The following ZFHX3 variants were observed in gnomAD, a reference collection of about 807,000 sequenced individuals.
ZFHX3 encodes the protein zinc finger homeobox protein 3.
A neutral mutation model predicts 279.1 loss-of-function variants in ZFHX3; 42 were observed. The observed-to-expected ratio is 0.15, with a 90% confidence interval of 0.12 to 0.19. The LOEUF (loss-of-function observed/expected upper bound fraction) is 0.19. Ranked by LOEUF, ZFHX3 falls within the 10% of genes least tolerant of loss-of-function variation. ZFHX3 has a pLI of 1.00. For missense variants in ZFHX3, 4,981 were observed against 4,754.0 expected, an observed-to-expected ratio of 1.05 and a Z score of -1.40; for synonymous variants, 2,293 against 1,957.8, an observed-to-expected ratio of 1.17 and a Z score of -4.52.
At chr16:73,033,321 C>T (rs1053811470) in intron 1 of ZFHX3, among the ~76,000 whole-genome samples, 2 of 152,108 alleles carry the variant, frequency 1.3e-5, no homozygotes, top group African/African-American at 4.8e-5. Context: ...GAGAAACTTC[C>T]CCTCCCTTCC....
At chr16:73,216,627 A>G (rs1029807902) in intron 5 of ZFHX3, among the ~76,000 whole-genome samples, 2 of 152,178 alleles carry the variant, frequency 1.3e-5, no homozygotes, top group African/African-American at 4.8e-5. Flanking sequence ...ATTTGACTAC[A>G]AAAGACACAA....
At chr16:72,988,625 A>C (rs1962945238) in intron 1 of ZFHX3, among the ~76,000 whole-genome samples, 1 of 152,214 alleles carries the variant, frequency 6.6e-6, no homozygotes, top group Non-Finnish European at 1.5e-5. Flanking sequence ...GGGTCCCTGC[A>C]ACAGGTCAGG....
chr16:73,295,509 T>A (rs180900220), intron 4 of ZFHX3, among the ~76,000 whole-genome samples: 54 of 152,366 alleles, frequency 3.5e-4, no homozygotes, highest in African/African-American at 1.3e-3. Flanking sequence ...CCAACTACAT[T>A]TCAGCACACT....
At chr16:72,898,300 G>C (rs2144116977) in intron 3 of ZFHX3, among the ~76,000 whole-genome samples, 1 of 152,266 alleles carries the variant, frequency 6.6e-6, no homozygotes, top group Non-Finnish European at 1.5e-5. Flanking sequence ...TGTTCCCTTA[G>C]ATCAATCCAT....
In ZFHX3 at chr16:72,800,120, G is replaced by T. The variant is rs182741552; in HGVS notation, c.3874C>A (p.Pro1292Thr). 7.4e-6 allele frequency: 12 copies of T among 1,613,972 alleles called. No individual in the cohort carries two copies. The highest frequency in any genetic ancestry group is 1.0e-5 in the Non-Finnish European group (12 of 1,180,006). ...VEKLIMTVTT[P>T]EMVMPSSMFL... Reference sequence around the variant, plus strand: ...ATGCTGCTTGGCATCACCATCTCAGGGGTGGTCACCTGAGGAGCAAGAGCA... The same window carrying T: ...ATGCTGCTTGGCATCACCATCTCAGTGGTGGTCACCTGAGGAGCAAGAGCA... The change falls in exon 8 of 10, where the codon CCT (proline) becomes ACT (threonine). Residue 1292 changes from proline to threonine, a missense_variant. Around this residue, in one of 7 missense-constraint regions of ZFHX3, gnomAD observed 1,751 missense variants for 1,770.0 expected, o/e 0.99. Transcript: ENST00000268489.
intron 3 of ZFHX3, among the ~76,000 whole-genome samples, chr16:73,399,739 C>G (rs1382302999): frequency 1.3e-5 from 2 of 151,944 alleles, no homozygotes; most frequent in Non-Finnish European, 2.9e-5. Context: ...CAGCATCACC[C>G]TAATTATGAT....
intron 1 of ZFHX3, among the ~76,000 whole-genome samples, chr16:73,742,156 A>G (rs569897139): frequency 1.3e-5 from 2 of 152,368 alleles, no homozygotes; most frequent in African/African-American, 2.4e-5. Flanking sequence ...AAAGCTATTT[A>G]TACTTTTCTA....
At chr16:73,171,553 C>T (rs924046755) in intron 5 of ZFHX3, among the ~76,000 whole-genome samples, 4 of 152,062 alleles carry the variant, frequency 2.6e-5, no homozygotes, top group Admixed American at 1.3e-4. Context: ...AATTTCACAG[C>T]CGCAAAGGGG....
chr16:73,763,925 T>G (rs1597101047), intron 1 of ZFHX3, among the ~76,000 whole-genome samples: 2 of 125,412 alleles, frequency 1.6e-5, no homozygotes, highest in African/African-American at 6.1e-5. Flanking sequence ...GGGCAGGGGG[T>G]GGGAGGACCA....
chr16:73,559,726 C>A (rs2020341997), intron 2 of ZFHX3, among the ~76,000 whole-genome samples: 1 of 152,092 alleles, frequency 6.6e-6, no homozygotes, highest in Non-Finnish European at 1.5e-5. Flanking sequence ...ATAAAGAGGT[C>A]TTTGGCGGAC....
chr16:73,643,251 G>A (rs2052589602), intron 2 of ZFHX3, among the ~76,000 whole-genome samples: 1 of 152,118 alleles, frequency 6.6e-6, no homozygotes, highest in East Asian at 1.9e-4. Context: ...ATTTTTTTGG[G>A]AATGGCTATT....
chr16:73,650,689 G>A (rs1051006428), intron 2 of ZFHX3, among the ~76,000 whole-genome samples: 8 of 152,032 alleles, frequency 5.3e-5, no homozygotes, highest in African/African-American at 1.7e-4. Context: ...AATCAAAAAC[G>A]AAACAACAAT....
intron 2 of ZFHX3, among the ~76,000 whole-genome samples, chr16:72,956,506 G>A (rs2144425807): frequency 6.6e-6 from 1 of 152,168 alleles, no homozygotes; most frequent in East Asian, 1.9e-4. Flanking sequence ...AAGTGGCTGT[G>A]GTTCGTTCTA....
At chr16:73,382,473 T>C (rs1403477219) in intron 3 of ZFHX3, among the ~76,000 whole-genome samples, 4 of 152,174 alleles carry the variant, frequency 2.6e-5, no homozygotes, top group Non-Finnish European at 5.9e-5. Context: ...TTAAGTGCGA[T>C]TGGAGCCCTT....
At chr16:73,339,900 A>G (rs12596659) in intron 3 of ZFHX3, among the ~76,000 whole-genome samples, 144,110 of 152,316 alleles carry the variant, frequency 0.95, 68,493 homozygotes, top group African/African-American at 0.99. Flanking sequence ...CGATAATGGC[A>G]TTTATATGAT....
intron 1 of ZFHX3, among the ~76,000 whole-genome samples, chr16:73,007,051 T>C (rs1414980923): frequency 6.6e-6 from 1 of 152,366 alleles, no homozygotes; most frequent in East Asian, 1.9e-4. Context: ...CGGGTGACTA[T>C]GAAGGCCAAC....
At chr16:73,682,581 T>C in intron 1 of ZFHX3, among the ~76,000 whole-genome samples, 1 of 151,272 alleles carries the variant, frequency 6.6e-6, no homozygotes, top group African/African-American at 2.4e-5. Context: ...AGGTCAAGAG[T>C]TTGAGACCAG....
At chr16:73,009,826 GC>G (rs1338062974) in intron 1 of ZFHX3, among the ~76,000 whole-genome samples, 1 of 152,044 alleles carries the variant, frequency 6.6e-6, no homozygotes, top group Non-Finnish European at 1.5e-5. Flanking sequence ...TTCGAGACAA[GC>G]CTGACCAAAA....
intron 5 of ZFHX3, among the ~76,000 whole-genome samples, chr16:73,189,446 G>A (rs1021138296): frequency 6.6e-5 from 10 of 152,218 alleles, no homozygotes; most frequent in African/African-American, 1.2e-4. Flanking sequence ...TACAGGGAAC[G>A]AGCCGGCACT....
Sources: allele counts gnomAD v4.1 joint callset (sites outside exome capture counted in the v4.1 genomes callset), GRCh38; gene constraint gnomAD v4.1.1; regional missense constraint gnomAD v4.1.1; transcripts MANE v1.5; gene names NCBI Gene and HGNC (gene_info 2026-07-23, HGNC 2026-07-21).